The following DSE variants were observed in gnomAD, a reference collection of about 807,000 sequenced individuals.
DSE encodes dermatan sulfate epimerase.
DSE carries 36 observed loss-of-function variants against 84.4 expected under a neutral mutation model. The ratio of observed to expected loss-of-function variants is 0.43; its 90% CI spans 0.33 to 0.56. The LOEUF (loss-of-function observed/expected upper bound fraction) is 0.56. Ranked by LOEUF, DSE falls within the 20% of genes least tolerant of loss-of-function variation. The pLI is 0.06. For missense variants in DSE, 862 were observed against 1,169.6 expected, an observed-to-expected ratio of 0.74 and a Z score of 3.84; for synonymous variants, 410 against 430.1, an observed-to-expected ratio of 0.95 and a Z score of 0.58.
At chr6:116,378,795 GT>G (rs998533763) in intron 1 of DSE, among the ~76,000 whole-genome samples, 1 of 151,346 alleles carries the variant, frequency 6.6e-6, no homozygotes, top group Admixed American at 6.6e-5. Flanking sequence ...AGATAACCTT[GT>G]TTTTTTTAAG....
intron 2 of DSE, among the ~76,000 whole-genome samples, chr6:116,349,907 T>C (rs1778213175): frequency 6.6e-6 from 1 of 152,188 alleles, no homozygotes. Context: ...TTATCCAGCT[T>C]TATAGTTACT....
chr6:116,399,729 T>C, intron 2 of DSE, 63 bp downstream of exon 2: 1 of 1,498,404 alleles, frequency 6.7e-7, no homozygotes, highest in East Asian at 2.3e-5. Context: ...CAAATCCATA[T>C]GACATCTCAG....
At chr6:116,402,938 T>C (rs1781685662) in intron 2 of DSE, among the ~76,000 whole-genome samples, 1 of 152,208 alleles carries the variant, frequency 6.6e-6, no homozygotes, top group African/African-American at 2.4e-5. Flanking sequence ...ATAAAGAGGT[T>C]AAAGTTCACC....
intron 2 of DSE, among the ~76,000 whole-genome samples, chr6:116,328,874 C>A (rs540024852): frequency 0.013 from 1,923 of 152,114 alleles, 46 homozygotes; most frequent in African/African-American, 0.044. Context: ...GAGAGTAGTT[C>A]ACCCCTAGTA....
In DSE at chr6:116,442,580, C is replaced by G. The variant is rs894446059; in HGVS notation, c.*5235C>G. ...AAGAAAAAAGTACGAAAAAGCAAAC[C>G]TGGTTCAGGAATTCTCCAGACTGGT... is the stretch of plus-strand genomic sequence containing the variant. On this transcript the variant is annotated 3_prime_UTR_variant, in exon 6 of 6. Coordinates refer to ENST00000644252, the MANE Select transcript of DSE (RefSeq NM_013352.4). The G allele has an allele frequency of 3.3e-5, 5 of 152,054 alleles. No individual in the cohort carries two copies. The highest frequency in any genetic ancestry group is 7.3e-5 in the Non-Finnish European group (5 of 68,056). 9.4% of individuals were successfully genotyped at this position (152,054 alleles called of 1,614,324 possible). A position where few individuals can be genotyped will look rare whatever the true frequency, so the allele number is the denominator to read the frequency against.
chr6:116,336,236 T>C (rs1378643834), intron 2 of DSE, among the ~76,000 whole-genome samples: 3 of 152,212 alleles, frequency 2.0e-5, no homozygotes, highest in African/African-American at 7.2e-5. Context: ...AAGTTCTTGA[T>C]GACATAGACA....
chr6:116,370,914 C>T (rs1779501530), upstream of DSE: 1 of 985,392 alleles, frequency 1.0e-6, no homozygotes, highest in Non-Finnish European at 1.2e-6. Flanking sequence ...CCCCTTTCGC[C>T]CACACCTACC....
intron 2 of DSE, among the ~76,000 whole-genome samples, chr6:116,337,286 A>G (rs1419263100): frequency 6.6e-6 from 1 of 152,218 alleles, no homozygotes; most frequent in Non-Finnish European, 1.5e-5. Flanking sequence ...TGCTTTAGCT[A>G]ACTTTTACTA....
At chr6:116,433,234 C>A in intron 4 of DSE, 109 bp from the exon 5 acceptor site, 1 of 1,043,504 alleles carries the variant, frequency 9.6e-7, no homozygotes, top group South Asian at 1.6e-5. Flanking sequence ...TTTATCCCTT[C>A]CATTACACAA....
At chr6:116,334,780 AATG>A (rs139487253) in intron 2 of DSE, among the ~76,000 whole-genome samples, 2,861 of 152,328 alleles carry the variant, frequency 0.019, 98 homozygotes, top group African/African-American at 0.066. Flanking sequence ...TGCAGCCAAC[AATG>A]ATGAAAAAAA....
intron 2 of DSE, chr6:116,278,795 C>A (rs770717514): frequency 1.9e-6 from 3 of 1,614,096 alleles, no homozygotes; most frequent in Non-Finnish European, 2.5e-6. Flanking sequence ...ACCACTCGGC[C>A]GGAGGATCTT....
chr6:116,346,627 A>G (rs997071348), intron 2 of DSE, among the ~76,000 whole-genome samples: 2 of 152,220 alleles, frequency 1.3e-5, no homozygotes, highest in African/African-American at 4.8e-5. Flanking sequence ...TGTCAAAATA[A>G]TAAGAGCTAT....
chr6:116,281,754 G>T (rs1458280487), intron 2 of DSE, among the ~76,000 whole-genome samples: 3 of 152,180 alleles, frequency 2.0e-5, no homozygotes, highest in South Asian at 4.1e-4. Flanking sequence ...TTAAATAAAG[G>T]AGCAAATGAG....
intron 2 of DSE, among the ~76,000 whole-genome samples, chr6:116,408,082 C>T (rs990865504): frequency 2.0e-5 from 3 of 152,210 alleles, no homozygotes; most frequent in Non-Finnish European, 4.4e-5. Flanking sequence ...ATTACATGTT[C>T]TCTAGCCCCT....
intron 2 of DSE, among the ~76,000 whole-genome samples, chr6:116,407,271 T>C (rs1344003348): frequency 6.6e-6 from 1 of 152,178 alleles, no homozygotes; most frequent in Non-Finnish European, 1.5e-5. Flanking sequence ...ATGATGGCCC[T>C]GGGTGACTGG....
intron 2 of DSE, among the ~76,000 whole-genome samples, chr6:116,310,232 C>CT (rs952213814): frequency 2.6e-5 from 4 of 151,996 alleles, no homozygotes; most frequent in African/African-American, 9.7e-5. Context: ...TTACTTAGTC[C>CT]TTTTTTTCTC....
chr6:116,437,254 T>TA lies in DSE; in HGVS notation c.2787dup (p.His930ThrfsTer14). On this transcript the variant is annotated frameshift_variant, in exon 6 of 6. Coordinates refer to ENST00000644252, the MANE Select transcript of DSE (RefSeq NM_013352.4). LOFTEE classifies it high-confidence loss of function. ...ACTTATTTCCAGAGGGCCCAGAGCC[T>TA]ACATGGCCAAAGATGTCTTTATGCA... The TA allele has an allele frequency of 1.2e-6, 2 of 1,614,120 alleles. No homozygotes were observed. The highest frequency in any genetic ancestry group is 8.5e-7 in the Non-Finnish European group (1 of 1,180,004).
intron 2 of DSE, among the ~76,000 whole-genome samples, chr6:116,301,601 C>G (rs1359039299): frequency 1.3e-5 from 2 of 152,114 alleles, no homozygotes; most frequent in Non-Finnish European, 2.9e-5. Context: ...TTACTTAAAC[C>G]GCCTCAATGG....
chr6:116,381,243 G>C (rs1780203275), intron 1 of DSE, among the ~76,000 whole-genome samples: 1 of 152,064 alleles, frequency 6.6e-6, no homozygotes, highest in Non-Finnish European at 1.5e-5. Flanking sequence ...AGATAAGAGA[G>C]AGTAACATAG....
Sources: allele counts gnomAD v4.1 joint callset (sites outside exome capture counted in the v4.1 genomes callset), GRCh38; gene constraint gnomAD v4.1.1; transcripts MANE v1.5; gene names NCBI Gene and HGNC (gene_info 2026-07-23, HGNC 2026-07-21).